Variants in PTPRJ observed in about 807,000 individuals in gnomAD.
The protein encoded by PTPRJ is protein tyrosine phosphatase receptor type J, also known as receptor-type tyrosine-protein phosphatase eta.
In PTPRJ, 129 loss-of-function variants were observed where a neutral mutation model predicts 141.3. That is an observed-to-expected ratio of 0.91 (90% CI 0.79 to 1.06). The LOEUF (loss-of-function observed/expected upper bound fraction) is 1.06. PTPRJ is among the 50% of genes least tolerant of loss of function. PTPRJ has a pLI of 0.00. For synonymous variants in PTPRJ, 610 were observed against 640.5 expected (o/e 0.95, Z 0.72); for missense variants, 1,601 against 1,679.7 (o/e 0.95, Z 0.82).
chr11:48,102,175 G>A (rs149099218), intron 1 of PTPRJ, among the ~76,000 whole-genome samples: 14 of 152,242 alleles, frequency 9.2e-5, no homozygotes, highest in African/African-American at 2.9e-4. Context: ...TCAGTCTTTC[G>A]CATGCTCATG....
chr11:47,995,702 G>C (rs976773951), intron 1 of PTPRJ, among the ~76,000 whole-genome samples: 5 of 152,150 alleles, frequency 3.3e-5, no homozygotes, highest in Non-Finnish European at 7.4e-5. Flanking sequence ...CATAGAGATC[G>C]AAGTCATGTG....
chr11:48,139,709 C>T lies in PTPRJ; in HGVS notation c.2376C>T (p.Ser792=). 6.2e-7 allele frequency: 1 copy of T among 1,614,170 alleles called. No homozygotes were observed. Among genetic ancestry groups the T allele is most frequent in the Non-Finnish European group, 8.5e-7 (1 of 1,180,032 alleles). The change falls in exon 11 of 25, where the codon AGC becomes AGT. Residue 792 remains serine, a synonymous_variant. Transcript: ENST00000418331. ...ATTTTTCTACCTCGTACAACATCAG[C>T]ATCACCACTGTGTCCTGTGGAAAGA... The part of the protein sequence containing the change: ...YLNFSTSYNI[S]ITTVSCGKMA...
intron 15 of PTPRJ, among the ~76,000 whole-genome samples, chr11:48,148,790 G>A (rs761028202): frequency 6.6e-6 from 1 of 152,110 alleles, no homozygotes; most frequent in Admixed American, 6.5e-5. Context: ...ACAGTACCAT[G>A]ATCTAGTTAA....
At chr11:48,031,467 A>G (rs898137293) in intron 1 of PTPRJ, among the ~76,000 whole-genome samples, 1 of 152,220 alleles carries the variant, frequency 6.6e-6, no homozygotes, top group African/African-American at 2.4e-5. Flanking sequence ...CCAAAGCATG[A>G]TACAGATGAT....
intron 1 of PTPRJ, among the ~76,000 whole-genome samples, chr11:48,011,024 G>T (rs942486272): frequency 6.6e-6 from 1 of 152,068 alleles, no homozygotes; most frequent in Non-Finnish European, 1.5e-5. Context: ...CAGGGTGGGT[G>T]CACTGTTCTA....
intron 1 of PTPRJ, among the ~76,000 whole-genome samples, chr11:47,983,570 C>A (rs187529045): frequency 1.3e-5 from 2 of 152,206 alleles, no homozygotes; most frequent in Non-Finnish European, 2.9e-5. Flanking sequence ...ACTGGCATCT[C>A]ATTCCCCTTT....
rs371678652 is a variant in PTPRJ, at chr11:48,130,696, G to A, written c.1595G>A (p.Arg532Gln). 6 of 1,612,316 alleles carry A rather than the reference G, an allele frequency of 3.7e-6. No individual in the cohort carries two copies. The highest frequency in any genetic ancestry group is 2.7e-5 in the African/African-American group (2 of 74,828). ...CCAAATGGGACTGAAGGGGCATCTC[G>A]GACAGTTTGCAATAGAACTGGTAAG... is the stretch of plus-strand genomic sequence containing the variant. The part of the protein sequence containing the change: ...KGPNGTEGAS[R>Q]TVCNRTVPSA... The change falls in exon 8 of 25, where the codon CGG becomes CAG. Residue 532 changes from arginine to glutamine, a missense_variant. By Grantham distance (43) the Arg-to-Gln change is conservative. Coordinates refer to ENST00000418331, the MANE Select transcript of PTPRJ (RefSeq NM_002843.4).
chr11:48,020,777 C>A (rs892052022), intron 1 of PTPRJ, among the ~76,000 whole-genome samples: 3 of 152,256 alleles, frequency 2.0e-5, no homozygotes, highest in Admixed American at 6.5e-5. Flanking sequence ...TTCCTCCTGC[C>A]CCTCCCACGT....
At chr11:48,011,499 T>G (rs1854786423) in intron 1 of PTPRJ, among the ~76,000 whole-genome samples, 1 of 152,144 alleles carries the variant, frequency 6.6e-6, no homozygotes, top group Non-Finnish European at 1.5e-5. Context: ...GCTCAGAATA[T>G]GATGGGCCAG....
chr11:48,060,207 A>G (rs900894685), intron 1 of PTPRJ, among the ~76,000 whole-genome samples: 8 of 152,212 alleles, frequency 5.3e-5, no homozygotes, highest in African/African-American at 1.7e-4. Flanking sequence ...ATTGGGGGCT[A>G]TGGTTACTGA....
At chr11:48,018,008 G>T (rs192095877) in intron 1 of PTPRJ, among the ~76,000 whole-genome samples, 3 of 152,330 alleles carry the variant, frequency 2.0e-5, no homozygotes, top group African/African-American at 7.2e-5. Flanking sequence ...GGAGATGAAT[G>T]TGTATGCATG....
intron 8 of PTPRJ, 129 bp from the exon 9 acceptor site, chr11:48,135,910 A>G: frequency 9.6e-7 from 1 of 1,043,580 alleles, no homozygotes; most frequent in Non-Finnish European, 1.4e-6. Flanking sequence ...TCGATTTTGG[A>G]GTGTGCCTTT....
intron 1 of PTPRJ, among the ~76,000 whole-genome samples, chr11:47,992,834 T>C (rs1854231087): frequency 1.3e-5 from 2 of 152,142 alleles, no homozygotes; most frequent in Admixed American, 1.3e-4. Context: ...ATTTCAGTTA[T>C]ATATGTGCGC....
At chr11:48,037,450 T>C (rs1854156337) in intron 1 of PTPRJ, among the ~76,000 whole-genome samples, 1 of 152,134 alleles carries the variant, frequency 6.6e-6, no homozygotes, top group Non-Finnish European at 1.5e-5. Flanking sequence ...AGCCAGTAAG[T>C]CCCACAGAAT....
intron 1 of PTPRJ, among the ~76,000 whole-genome samples, chr11:48,040,612 C>CTTTT (rs398055231): frequency 7.4e-6 from 1 of 135,416 alleles, no homozygotes; most frequent in African/African-American, 2.9e-5. Context: ...TCTTCTTCTT[C>CTTTT]TTTTTTTTTT....
chr11:48,026,118 C>T (rs1853802843), intron 1 of PTPRJ, among the ~76,000 whole-genome samples: 1 of 152,214 alleles, frequency 6.6e-6, no homozygotes. Flanking sequence ...TATGACATAG[C>T]TGTTGAGAAA....
intron 1 of PTPRJ, among the ~76,000 whole-genome samples, chr11:48,035,617 A>G (rs762035050): frequency 2.5e-5 from 3 of 118,752 alleles, no homozygotes; most frequent in Non-Finnish European, 4.8e-5. Flanking sequence ...GTGGCGTTGT[A>G]TTACAGAGAG....
chr11:47,995,962 C>T (rs553539092), intron 1 of PTPRJ, among the ~76,000 whole-genome samples: 8 of 151,456 alleles, frequency 5.3e-5, no homozygotes, highest in Admixed American at 2.0e-4. Context: ...TGCTTGAGCC[C>T]GGGAGGCACA....
At chr11:48,144,543 C>G in intron 12 of PTPRJ, 132 bp from the exon 13 acceptor site, 1 of 714,242 alleles carries the variant, frequency 1.4e-6, no homozygotes, top group Non-Finnish European at 2.3e-6. Context: ...TAAGTCAAAC[C>G]TGGCACAGAG....
Sources: gnomAD v4.1 joint callset for allele counts (sites outside exome capture counted in the v4.1 genomes callset) on GRCh38, gnomAD v4.1.1 for gene constraint, MANE v1.5 for transcripts, NCBI Gene and HGNC (gene_info 2026-07-23, HGNC 2026-07-21) for gene names.